PTPRD: variants seen among roughly 807,000 people sequenced by gnomAD.
The protein encoded by PTPRD is receptor-type tyrosine-protein phosphatase delta.
Under a neutral mutation model 214.5 loss-of-function variants are expected in PTPRD, and 34 were observed. That is an observed-to-expected ratio of 0.16 (90% CI 0.12 to 0.21). The LOEUF (loss-of-function observed/expected upper bound fraction) is 0.21, where lower values mean the gene tolerates loss of function less well. Ranked by LOEUF, PTPRD falls within the 10% of genes least tolerant of loss-of-function variation. The pLI is 1.00. For synonymous variants in PTPRD, 1,128 were observed against 845.7 expected, an observed-to-expected ratio of 1.33 and a Z score of -5.79; for missense variants, 2,545 against 2,398.7, an observed-to-expected ratio of 1.06 and a Z score of -1.27.
intron 5 of PTPRD, among the ~76,000 whole-genome samples, chr9:9,790,102 TG>T (rs1183956630): frequency 6.6e-6 from 1 of 152,104 alleles, no homozygotes; most frequent in Non-Finnish European, 1.5e-5. Context: ...AATGTAGAGG[TG>T]GGAATATCTG....
At chr9:9,791,497 G>T (rs1277698721) in intron 5 of PTPRD, among the ~76,000 whole-genome samples, 1 of 152,104 alleles carries the variant, frequency 6.6e-6, no homozygotes, top group African/African-American at 2.4e-5. Flanking sequence ...AATCATAAAA[G>T]AGTCTCTTTC....
intron 10 of PTPRD, among the ~76,000 whole-genome samples, chr9:9,071,549 G>A (rs989921951): frequency 6.6e-6 from 1 of 152,290 alleles, no homozygotes; most frequent in East Asian, 1.9e-4. Context: ...TGGGAACTAT[G>A]GATGGCCTCT....
chr9:8,947,516 G>C (rs1463987612), intron 11 of PTPRD, among the ~76,000 whole-genome samples: 2 of 151,184 alleles, frequency 1.3e-5, no homozygotes, highest in East Asian at 3.9e-4. Flanking sequence ...GGTAAGGTCT[G>C]AGTGTTAGGT....
chr9:10,421,208 C>A (rs1402176508), intron 2 of PTPRD, among the ~76,000 whole-genome samples: 3 of 151,874 alleles, frequency 2.0e-5, no homozygotes, highest in African/African-American at 7.2e-5. Context: ...TCAGGGGGTT[C>A]TGCACTGCAG....
rs1023042478 is a variant in PTPRD at position 8,364,009 on chromosome 9, G to C, written c.4661+11927C>G. Among the ~76,000 whole-genome samples, 15 of 152,200 alleles carry C rather than the reference G, an allele frequency of 9.9e-5. 1 individual carries two copies. In the South Asian group the frequency reaches 2.5e-3, roughly 25 times the overall value. On this transcript the variant is annotated intron_variant, in intron 39 of 45. Coordinates refer to ENST00000381196, the MANE Select transcript of PTPRD (RefSeq NM_002839.4). ...ATTAATGCCAGTTATCAAGGCAAAG[G>C]GTTTGAAAATACTTGCTAAACATTT...
At chr9:10,584,479 A>G (rs1439966766) in intron 2 of PTPRD, among the ~76,000 whole-genome samples, 7 of 152,200 alleles carry the variant, frequency 4.6e-5, no homozygotes, top group African/African-American at 1.7e-4. Flanking sequence ...ATGATCACTC[A>G]GTAGAGTCTA....
intron 11 of PTPRD, among the ~76,000 whole-genome samples, chr9:8,998,048 A>T (rs189266980): frequency 3.8e-3 from 574 of 152,028 alleles, no homozygotes; most frequent in African/African-American, 0.013. Context: ...ATGAGTTTTA[A>T]AAAAAAAGCT....
chr9:9,273,313 G>C (rs1170527717), intron 9 of PTPRD, among the ~76,000 whole-genome samples: 1 of 151,114 alleles, frequency 6.6e-6, no homozygotes, highest in Non-Finnish European at 1.5e-5. Flanking sequence ...AGTCACTAAG[G>C]AATAGAATTT....
At chr9:9,352,403 ATATC>A (rs2051742513) in intron 9 of PTPRD, among the ~76,000 whole-genome samples, 1 of 151,276 alleles carries the variant, frequency 6.6e-6, no homozygotes, top group Admixed American at 6.6e-5. Flanking sequence ...ATGTATATAT[ATATC>A]TGTTATGTTT....
At chr9:9,627,195 T>C (rs553298200) in intron 7 of PTPRD, among the ~76,000 whole-genome samples, 1 of 152,240 alleles carries the variant, frequency 6.6e-6, no homozygotes, top group South Asian at 2.1e-4. Flanking sequence ...TAGTCCCAGC[T>C]ACTTGGGAGG....
At chr9:9,495,242 T>G in intron 8 of PTPRD, among the ~76,000 whole-genome samples, 1 of 147,120 alleles carries the variant, frequency 6.8e-6, no homozygotes, top group East Asian at 2.0e-4. Context: ...CTGATGATGA[T>G]AGAAACAGGC....
chr9:10,039,858 ATGTC>A (rs1172626723), intron 3 of PTPRD, among the ~76,000 whole-genome samples: 1 of 152,100 alleles, frequency 6.6e-6, no homozygotes, highest in Non-Finnish European at 1.5e-5. Flanking sequence ...AAACAATATT[ATGTC>A]TGTTTGGCAA....
chr9:8,402,590 C>T (rs1354293605), intron 36 of PTPRD, among the ~76,000 whole-genome samples: 1 of 152,022 alleles, frequency 6.6e-6, no homozygotes, highest in African/African-American at 2.4e-5. Flanking sequence ...AATAATTTAC[C>T]TTGCTTTTGC....
At chr9:10,546,667 T>C (rs1027105895) in intron 2 of PTPRD, among the ~76,000 whole-genome samples, 6 of 152,054 alleles carry the variant, frequency 3.9e-5, no homozygotes, top group African/African-American at 1.4e-4. Flanking sequence ...TTTTATTGAA[T>C]GTTGCATCCT....
At chr9:9,172,848 A>G (rs577518441) in intron 10 of PTPRD, among the ~76,000 whole-genome samples, 188 of 152,238 alleles carry the variant, frequency 1.2e-3, no homozygotes, top group African/African-American at 4.3e-3. Context: ...TGCACCTGGC[A>G]CTGTTTTTGC....
chr9:10,186,025 A>G (rs2099328656), intron 3 of PTPRD, among the ~76,000 whole-genome samples: 1 of 152,104 alleles, frequency 6.6e-6, no homozygotes, highest in African/African-American at 2.4e-5. Context: ...AGTATTGACA[A>G]TTTCACTTGT....
At chr9:9,380,371 T>C (rs2061863720) in intron 9 of PTPRD, among the ~76,000 whole-genome samples, 1 of 152,114 alleles carries the variant, frequency 6.6e-6, no homozygotes, top group African/African-American at 2.4e-5. Context: ...ATATATTTGT[T>C]TTTAATTTTA....
intron 11 of PTPRD, among the ~76,000 whole-genome samples, chr9:8,945,382 G>C (rs768180009): frequency 3.3e-5 from 5 of 151,938 alleles, no homozygotes; most frequent in Non-Finnish European, 7.4e-5. Context: ...CAGTCACCAA[G>C]ACTTGTTCAT....
intron 8 of PTPRD, among the ~76,000 whole-genome samples, chr9:9,473,345 A>C (rs1475263049): frequency 6.6e-6 from 1 of 152,174 alleles, no homozygotes; most frequent in African/African-American, 2.4e-5. Context: ...TCCATTGTGC[A>C]TATATAACAC....
Sources: gnomAD v4.1 joint callset for allele counts (sites outside exome capture counted in the v4.1 genomes callset) on GRCh38, gnomAD v4.1.1 for gene constraint, MANE v1.5 for transcripts, NCBI Gene and HGNC (gene_info 2026-07-23, HGNC 2026-07-21) for gene names.